Variants in LRP11 observed in about 807,000 individuals in gnomAD.
LRP11 encodes the protein low-density lipoprotein receptor-related protein 11.
Under a neutral mutation model 43.1 loss-of-function variants are expected in LRP11, and 25 were observed. That is an observed-to-expected ratio of 0.58 (90% CI 0.42 to 0.81). The LOEUF is 0.81. LRP11 is among the 30% of genes least tolerant of loss of function. The pLI is 0.00. For missense variants in LRP11, 623 were observed against 665.1 expected (o/e 0.94, Z 0.70); for synonymous variants, 316 against 299.4 (o/e 1.06, Z -0.57).
rs1188687514 is a variant in LRP11 at position 149,863,885 on chromosome 6, A to G, written c.136T>C (p.Ser46Pro). 7 of 1,495,052 alleles carry G rather than the reference A, an allele frequency of 4.7e-6. No individual in the cohort carries two copies. Among genetic ancestry groups the G allele is most frequent in the African/African-American group, 1.5e-5 (1 of 68,622 alleles). The allele number at this position is 1,495,052 out of a possible 1,614,324, so 92.6% of individuals were successfully genotyped here. ...RAALPPAAPL[S>P]ELHAQLSGVE... Reference sequence around the variant, plus strand: ...CCCGACAGCTGCGCGTGCAGTTCGGACAGCGGCGCCGCGGGCGGCAAGGCC... The same window carrying G: ...CCCGACAGCTGCGCGTGCAGTTCGGGCAGCGGCGCCGCGGGCGGCAAGGCC... The change falls in exon 1 of 7, where the codon TCC becomes CCC. Residue 46 changes from serine to proline, a missense_variant. Ser to Pro is a moderately conservative substitution (Grantham distance 74, BLOSUM62 -1). Coordinates refer to ENST00000239367, the MANE Select transcript of LRP11 (RefSeq NM_032832.6).
rs1176270338 is a variant in LRP11, at chr6:149,863,943, T to A, written c.78A>T (p.Leu26=). The change falls in exon 1 of 7, where the codon CTA becomes CTT. Residue 26 remains leucine (L), a synonymous_variant. Transcript: ENST00000239367. ...CGCTTGGCAGCCACAGGCAGAGCAG[T>A]AGCAGCCCGCGCAGCGCCCCGTGAC... ...PPRHGALRGL[L]LLCLWLPSGR... The A allele has an allele frequency of 1.4e-6, 2 of 1,454,798 alleles. No homozygotes were observed. The highest frequency in any genetic ancestry group is 2.7e-5 in the South Asian group (2 of 75,262). The allele number at this position is 1,454,798 out of a possible 1,614,324, so 90.1% of individuals were successfully genotyped here.
chr6:149,856,836 A>AT (rs1253064826), intron 1 of LRP11, among the ~76,000 whole-genome samples: 4 of 152,194 alleles, frequency 2.6e-5, no homozygotes, highest in Admixed American at 2.6e-4. Flanking sequence ...AACGAATGGT[A>AT]TAGCTCAGGC....
chr6:149,860,421 T>C (rs558341125), intron 1 of LRP11, among the ~76,000 whole-genome samples: 109 of 140,264 alleles, frequency 7.8e-4, no homozygotes, highest in African/African-American at 2.7e-3. Context: ...CCCTCCCTCC[T>C]GCTGTTCTTC....
intron 1 of LRP11, among the ~76,000 whole-genome samples, chr6:149,857,225 TAC>T (rs1169142350): frequency 2.6e-5 from 4 of 152,216 alleles, no homozygotes; most frequent in Admixed American, 2.6e-4. Flanking sequence ...GAACTTGGTT[TAC>T]AGTCTGACTT....
chr6:149,852,285 T>C (rs1446667614), intron 2 of LRP11, among the ~76,000 whole-genome samples: 1 of 152,236 alleles, frequency 6.6e-6, no homozygotes, highest in Non-Finnish European at 1.5e-5. Context: ...CCTCACCCTC[T>C]TTCTCCACTT....
In LRP11 at chr6:149,818,977, A is replaced by C. The variant is rs1776244681; in HGVS notation, c.*1572T>G. Reference sequence around the variant, plus strand: ...GGCTATAGTTGACATCTTTCCATATAAAAACAAACTGCACAGCATCACATA... The same window carrying C: ...GGCTATAGTTGACATCTTTCCATATCAAAACAAACTGCACAGCATCACATA... On this transcript the variant is annotated 3_prime_UTR_variant, in exon 7 of 7. Coordinates refer to ENST00000239367, the MANE Select transcript of LRP11 (RefSeq NM_032832.6). 1 of 152,636 alleles carries C rather than the reference A, an allele frequency of 6.6e-6. No homozygotes were observed. Among genetic ancestry groups the C allele is most frequent in the Non-Finnish European group, 1.5e-5 (1 of 68,032 alleles). 9.5% of individuals were successfully genotyped at this position (152,636 alleles called of 1,614,324 possible). A position where few individuals can be genotyped will look rare whatever the true frequency, so the allele number is the denominator to read the frequency against.
At chr6:149,829,356 T>C (rs1776379878) in intron 5 of LRP11, among the ~76,000 whole-genome samples, 1 of 151,938 alleles carries the variant, frequency 6.6e-6, no homozygotes, top group Non-Finnish European at 1.5e-5. Flanking sequence ...AGGTCAGGAG[T>C]TCGAGACCAG....
intron 5 of LRP11, among the ~76,000 whole-genome samples, chr6:149,826,905 C>A (rs1419046426): frequency 6.6e-6 from 1 of 151,586 alleles, no homozygotes; most frequent in Non-Finnish European, 1.5e-5. Context: ...ACCAGTACTT[C>A]TAATTTAATG....
At chr6:149,863,222 G>A (rs530613959) in intron 1 of LRP11, among the ~76,000 whole-genome samples, 186 bp downstream of exon 1, 2 of 152,148 alleles carry the variant, frequency 1.3e-5, no homozygotes, top group East Asian at 3.9e-4. Context: ...CACCGCGCCC[G>A]CCCGCCCGCT....
At chr6:149,822,354 G>C (rs569498917) in intron 6 of LRP11, among the ~76,000 whole-genome samples, 1 of 151,716 alleles carries the variant, frequency 6.6e-6, no homozygotes, top group Non-Finnish European at 1.5e-5. Flanking sequence ...AAAAAAAAGA[G>C]AAGTGAGGCT....
chr6:149,826,739 G>T (rs1014390382), intron 5 of LRP11, among the ~76,000 whole-genome samples: 3 of 152,064 alleles, frequency 2.0e-5, no homozygotes, highest in African/African-American at 7.2e-5. Context: ...CATATATAAG[G>T]CATTTAGACA....
intron 1 of LRP11, among the ~76,000 whole-genome samples, chr6:149,853,642 G>C (rs1431315298): frequency 1.3e-5 from 2 of 152,102 alleles, no homozygotes; most frequent in South Asian, 2.1e-4. Flanking sequence ...CGAGTAGCTG[G>C]GATTACATGT....
chr6:149,851,192 A>C (rs187110532), intron 2 of LRP11, among the ~76,000 whole-genome samples: 140 of 152,312 alleles, frequency 9.2e-4, no homozygotes, highest in Admixed American at 2.3e-3. Context: ...TTTCCTCTTG[A>C]AGGCAAGAAA....
Position 149,820,676 on chromosome 6 carries a change from A to G in LRP11, c.1376T>C (p.Leu459Ser), listed in dbSNP as rs142546005. The G allele has an allele frequency of 2.6e-6, 2 of 780,938 alleles. No individual in the cohort carries two copies. The highest frequency in any genetic ancestry group is 4.8e-6 in the Non-Finnish European group (2 of 418,134). The allele number at this position is 780,938 out of a possible 1,614,324, so 48.4% of individuals were successfully genotyped here. Residue 459 changes from leucine to serine, a missense_variant, in exon 7 of 7, where the codon TTG (leucine) becomes TCG (serine). Leu to Ser is a moderately radical substitution (Grantham distance 145). Coordinates refer to ENST00000239367, the MANE Select transcript of LRP11 (RefSeq NM_032832.6). ...GAGAAGCAGCAGAGCAGTGATAGCC[A>G]AACCCAGCGCCAGGGGTAGCACTGC... is the stretch of plus-strand genomic sequence containing the variant. ...TGAVLPLALGLAITALLLLMV... is the reference protein window; with the variant it reads ...TGAVLPLALGSAITALLLLMV...
intron 3 of LRP11, among the ~76,000 whole-genome samples, chr6:149,841,673 G>A (rs1189529261): frequency 6.6e-6 from 1 of 152,202 alleles, no homozygotes; most frequent in African/African-American, 2.4e-5. Context: ...AGTGCTTCGG[G>A]AGGCTGAGGC....
At chr6:149,858,416 G>A (rs1016458677) in intron 1 of LRP11, among the ~76,000 whole-genome samples, 1 of 152,138 alleles carries the variant, frequency 6.6e-6, no homozygotes, top group Non-Finnish European at 1.5e-5. Context: ...TGGAGTATAT[G>A]TGCCACATTT....
Position 149,820,153 on chromosome 6 carries a change from A to T in LRP11, c.*396T>A, listed in dbSNP as rs1776257964. 1 of 155,016 alleles carries T rather than the reference A, an allele frequency of 6.5e-6. No homozygotes were observed. Among genetic ancestry groups the T allele is most frequent in the Non-Finnish European group, 1.4e-5 (1 of 70,212 alleles). The allele number at this position is 155,016 out of a possible 1,614,324, so 9.6% of individuals were successfully genotyped here. On this transcript the variant is annotated 3_prime_UTR_variant, in exon 7 of 7. Coordinates refer to ENST00000239367, the MANE Select transcript of LRP11 (RefSeq NM_032832.6). ...CTTCAAGGAGGAAGAAAAGGGCCAC[A>T]GAACAAGGGGAAGCTGGGCCTATAG...
chr6:149,822,084 A>C (rs1459172635), intron 6 of LRP11, among the ~76,000 whole-genome samples: 1 of 152,232 alleles, frequency 6.6e-6, no homozygotes, highest in East Asian at 1.9e-4. Context: ...ACGGTGGCTC[A>C]GGCCTGTGAT....
chr6:149,849,537 G>T (rs1776688740), intron 2 of LRP11, among the ~76,000 whole-genome samples: 1 of 152,084 alleles, frequency 6.6e-6, no homozygotes, highest in Non-Finnish European at 1.5e-5. Flanking sequence ...AGGGAGGATT[G>T]CTTGAGCCCA....
Sources: allele counts gnomAD v4.1 joint callset (sites outside exome capture counted in the v4.1 genomes callset), GRCh38; gene constraint gnomAD v4.1.1; transcripts MANE v1.5; gene names NCBI Gene and HGNC (gene_info 2026-07-23, HGNC 2026-07-21).